The following RNFT2 variants were observed in gnomAD, a reference collection of about 807,000 sequenced individuals.
RNFT2 encodes E3 ubiquitin-protein ligase RNFT2.
A neutral mutation model predicts 53.0 loss-of-function variants in RNFT2; 36 were observed. The observed-to-expected ratio is 0.68, with a 90% confidence interval of 0.52 to 0.90. The LOEUF (loss-of-function observed/expected upper bound fraction) is 0.90, where lower values mean the gene tolerates loss of function less well. RNFT2 is among the 40% of genes least tolerant of loss of function. RNFT2 has a pLI of 0.00. For synonymous variants in RNFT2, 260 were observed against 253.2 expected (o/e 1.03, Z -0.26); for missense variants, 514 against 585.6 (o/e 0.88, Z 1.26).
chr12:116,825,241 G>A (rs1161709321), intron 7 of RNFT2, among the ~76,000 whole-genome samples: 1 of 152,148 alleles, frequency 6.6e-6, no homozygotes, highest in Non-Finnish European at 1.5e-5. Context: ...CTTATAGCTT[G>A]GGCTTCCCAC....
chr12:116,818,187 G>T (rs1234386395), intron 7 of RNFT2, among the ~76,000 whole-genome samples: 2 of 152,048 alleles, frequency 1.3e-5, no homozygotes, highest in Non-Finnish European at 2.9e-5. Flanking sequence ...CTGGGGCATG[G>T]TGGCACACAC....
chr12:116,782,581 CGTG>C (rs1873762660), intron 7 of RNFT2, among the ~76,000 whole-genome samples: 1 of 152,014 alleles, frequency 6.6e-6, no homozygotes, highest in Non-Finnish European at 1.5e-5. Context: ...TTCTAAAAGA[CGTG>C]GACATTTTTG....
chr12:116,767,077 A>G (rs1592946659), intron 6 of RNFT2, among the ~76,000 whole-genome samples, 163 bp downstream of exon 6: 2 of 152,224 alleles, frequency 1.3e-5, no homozygotes, highest in East Asian at 3.8e-4. Context: ...ACCAGCACTC[A>G]ATAGTAGAAT....
chr12:116,804,176 C>CAAATAA, intron 7 of RNFT2, among the ~76,000 whole-genome samples: 1 of 152,330 alleles, frequency 6.6e-6, no homozygotes, highest in Admixed American at 6.5e-5. Flanking sequence ...ATTCTACATA[C>CAAATAA]ATCCTTTTGC....
At chr12:116,841,906 T>A (rs1377373317) in intron 10 of RNFT2, among the ~76,000 whole-genome samples, 25 of 38,902 alleles carry the variant, frequency 6.4e-4, no homozygotes, top group Admixed American at 1.5e-3. Context: ...TATATATATA[T>A]AAATATATAT....
At chr12:116,783,283 G>A (rs143274842) in intron 7 of RNFT2, among the ~76,000 whole-genome samples, 1 of 152,300 alleles carries the variant, frequency 6.6e-6, no homozygotes, top group East Asian at 1.9e-4. Flanking sequence ...TCCTAGCCAG[G>A]TGATTATTTC....
intron 7 of RNFT2, among the ~76,000 whole-genome samples, chr12:116,818,635 G>C (rs1382724044): frequency 6.6e-6 from 1 of 152,210 alleles, no homozygotes; most frequent in East Asian, 1.9e-4. Flanking sequence ...AGAGAAGGGA[G>C]GGTGTATCGT....
At chr12:116,816,991 G>A (rs1875715683) in intron 7 of RNFT2, among the ~76,000 whole-genome samples, 1 of 152,008 alleles carries the variant, frequency 6.6e-6, no homozygotes, top group Non-Finnish European at 1.5e-5. Flanking sequence ...CTTGTGTCTG[G>A]TCTTTGTAGT....
Position 116,852,226 on chromosome 12 carries a change from G to A in RNFT2, c.*2778G>A, listed in dbSNP as rs1877961680. 7.8e-7 allele frequency: 1 copy of A among 1,275,068 alleles called. No homozygotes were observed. The highest frequency in any genetic ancestry group is 1.5e-5 in the African/African-American group (1 of 67,264). The allele number at this position is 1,275,068 out of a possible 1,614,324, so 79.0% of individuals were successfully genotyped here. Reference sequence around the variant, plus strand: ...AATGGCATTACAGAGAAAGCAATCTGTGTGGCTAGTGGGCAGATTACCATG... The same window carrying A: ...AATGGCATTACAGAGAAAGCAATCTATGTGGCTAGTGGGCAGATTACCATG... On this transcript the variant is annotated 3_prime_UTR_variant, in exon 11 of 11. Transcript: ENST00000257575.
intron 10 of RNFT2, among the ~76,000 whole-genome samples, chr12:116,846,354 C>G (rs979769839): frequency 6.6e-6 from 1 of 151,726 alleles, no homozygotes; most frequent in Non-Finnish European, 1.5e-5. Flanking sequence ...CTCATACAGC[C>G]TCAACCTCCT....
intron 4 of RNFT2, among the ~76,000 whole-genome samples, chr12:116,752,616 G>T (rs1295556549): frequency 6.6e-6 from 1 of 152,126 alleles, no homozygotes; most frequent in African/African-American, 2.4e-5. Flanking sequence ...GGTGGCTCAC[G>T]CCTGTAATCC....
intron 10 of RNFT2, among the ~76,000 whole-genome samples, chr12:116,843,492 C>CAAAAA (rs35687933): frequency 1.5e-5 from 1 of 65,130 alleles, no homozygotes; most frequent in East Asian, 6.0e-4. Context: ...GACTGTGTCT[C>CAAAAA]AAAAAAAAAA....
intron 7 of RNFT2, among the ~76,000 whole-genome samples, chr12:116,809,815 G>A (rs1316481705): frequency 6.6e-6 from 1 of 152,040 alleles, no homozygotes; most frequent in African/African-American, 2.4e-5. Flanking sequence ...TGGGACTACA[G>A]GCACCCACCA....
intron 7 of RNFT2, among the ~76,000 whole-genome samples, chr12:116,813,122 A>AT (rs574925512): frequency 5.3e-5 from 8 of 151,472 alleles, no homozygotes; most frequent in East Asian, 3.9e-4. Flanking sequence ...TGCCTGGCTA[A>AT]TTTTTTTTGT....
Position 116,851,982 on chromosome 12 carries a change from T to A in RNFT2, c.*2534T>A. The A allele has an allele frequency of 2.7e-6, 4 of 1,492,772 alleles. No individual in the cohort carries two copies. The highest frequency in any genetic ancestry group is 3.5e-6 in the Non-Finnish European group (4 of 1,127,470). The allele number at this position is 1,492,772 out of a possible 1,614,324, so 92.5% of individuals were successfully genotyped here. ...ACAGGACAACCTATGTTATGGATGT[T>A]TCCACCAACCAGGGTAGTGGCATGG... On this transcript the variant is annotated 3_prime_UTR_variant, in exon 11 of 11. Coordinates refer to ENST00000257575, the MANE Select transcript of RNFT2 (RefSeq NM_001382266.1).
At chr12:116,824,127 G>A (rs1429905408) in intron 7 of RNFT2, among the ~76,000 whole-genome samples, 1 of 152,056 alleles carries the variant, frequency 6.6e-6, no homozygotes, top group East Asian at 1.9e-4. Context: ...GTATTTCTGT[G>A]CCCAACATGG....
intron 8 of RNFT2, among the ~76,000 whole-genome samples, chr12:116,835,508 G>A (rs1876914090): frequency 6.6e-6 from 1 of 152,136 alleles, no homozygotes; most frequent in East Asian, 1.9e-4. Flanking sequence ...GGATGCATGA[G>A]TTCTTCTCTT....
At position 116,826,704 on chromosome 12, in the gene RNFT2, G is replaced by A. The variant is rs535057017; in HGVS notation, c.883-7088G>A. 5.9e-5 allele frequency among the ~76,000 whole-genome samples: 9 copies of A among 152,182 alleles called. No homozygotes were observed. In the South Asian group the frequency reaches 1.5e-3, roughly 25 times the overall value. On this transcript the variant is annotated intron_variant, in intron 7 of 10. Coordinates refer to ENST00000257575, the MANE Select transcript of RNFT2 (RefSeq NM_001382266.1). ...TATAAAGAGATATTCTCTCTTCAGCGTTTCAACTCTCCTCCATCAGCAAAC... is the reference window on the plus strand; with the variant it reads ...TATAAAGAGATATTCTCTCTTCAGCATTTCAACTCTCCTCCATCAGCAAAC...
intron 7 of RNFT2, among the ~76,000 whole-genome samples, chr12:116,784,552 G>A (rs773923381): frequency 1.3e-5 from 2 of 152,136 alleles, no homozygotes; most frequent in Non-Finnish European, 2.9e-5. Context: ...AAGCAATGAG[G>A]CATAGTAGAC....
Sources: allele counts gnomAD v4.1 joint callset (sites outside exome capture counted in the v4.1 genomes callset), GRCh38; gene constraint gnomAD v4.1.1; transcripts MANE v1.5; gene names NCBI Gene and HGNC (gene_info 2026-07-23, HGNC 2026-07-21).